Variants in CADM2 observed in about 807,000 individuals in gnomAD.
CADM2 encodes the protein cell adhesion molecule 2, also known as immunoglobulin superfamily member 4D.
Under a neutral mutation model 49.8 loss-of-function variants are expected in CADM2, and 12 were observed. That is an observed-to-expected ratio of 0.24 (90% CI 0.15 to 0.39). CADM2 has a LOEUF of 0.39. CADM2 is among the 10% of genes least tolerant of loss of function. CADM2 has a pLI of 1.00. For synonymous variants in CADM2, 214 were observed against 175.4 expected (o/e 1.22, Z -1.74); for missense variants, 378 against 492.3 (o/e 0.77, Z 2.20).
chr3:85,055,685 A>G (rs2036053396), intron 1 of CADM2, among the ~76,000 whole-genome samples: 1 of 152,024 alleles, frequency 6.6e-6, no homozygotes, highest in African/African-American at 2.4e-5. Flanking sequence ...ACTTTTGTAG[A>G]TTTTTGAAAT....
At chr3:85,752,851 A>G (rs1320984292) in intron 2 of CADM2, among the ~76,000 whole-genome samples, 2 of 152,216 alleles carry the variant, frequency 1.3e-5, no homozygotes, top group Admixed American at 1.3e-4. Context: ...CTGAATATAA[A>G]TGACAATCCA....
At chr3:85,648,247 A>G (rs1179520153) in intron 1 of CADM2, among the ~76,000 whole-genome samples, 1 of 151,948 alleles carries the variant, frequency 6.6e-6, no homozygotes, top group African/African-American at 2.4e-5. Flanking sequence ...AAGGCAGTAC[A>G]CAGGTTATGC....
chr3:85,237,045 C>T (rs1008297679), intron 1 of CADM2, among the ~76,000 whole-genome samples: 1 of 151,956 alleles, frequency 6.6e-6, no homozygotes, highest in Non-Finnish European at 1.5e-5. Flanking sequence ...TAAATAAGGG[C>T]TTTTATGACC....
chr3:85,361,739 G>C (rs1299608363), intron 1 of CADM2, among the ~76,000 whole-genome samples: 1 of 152,058 alleles, frequency 6.6e-6, no homozygotes, highest in Non-Finnish European at 1.5e-5. Flanking sequence ...AGAAAATCGA[G>C]ACCAGTCCAC....
intron 7 of CADM2, among the ~76,000 whole-genome samples, chr3:85,955,947 T>A (rs1424071767): frequency 6.6e-6 from 1 of 151,702 alleles, no homozygotes; most frequent in East Asian, 1.9e-4. Context: ...GGAAGAAACT[T>A]CTGAAAAAAT....
intron 1 of CADM2, among the ~76,000 whole-genome samples, chr3:85,199,214 TG>T (rs1402683213): frequency 2.0e-5 from 3 of 151,970 alleles, no homozygotes; most frequent in Non-Finnish European, 4.4e-5. Flanking sequence ...GAGCAATTGG[TG>T]AGAATAGCTA....
At chr3:85,983,186 T>C (rs550861788) in intron 8 of CADM2, among the ~76,000 whole-genome samples, 51 of 151,838 alleles carry the variant, frequency 3.4e-4, no homozygotes, top group African/African-American at 1.2e-3. Flanking sequence ...CTACACTGGA[T>C]TGACAGTGTC....
rs2038584126 is a variant in CADM2, at chr3:85,114,783, C to T, written c.61+155115C>T. 2.0e-5 allele frequency among the ~76,000 whole-genome samples: 3 copies of T among 152,168 alleles called. No individual in the cohort carries two copies. The South Asian group carries it at 6.2e-4, about 32-fold the overall frequency. On this transcript the variant is annotated intron_variant, in intron 1 of 9. Transcript: ENST00000383699. ...ATATGTGAAATCAGGATAATAATTT[C>T]TGTGCCAGTTAATATATTGCCAGGC...
chr3:85,582,385 T>G (rs76455180), intron 1 of CADM2, among the ~76,000 whole-genome samples: 3,361 of 152,296 alleles, frequency 0.022, 163 homozygotes, highest in East Asian at 0.16. Context: ...GATAACTGAT[T>G]CATTGATCTG....
chr3:85,856,222 A>G (rs2075312227), intron 3 of CADM2, among the ~76,000 whole-genome samples: 1 of 152,204 alleles, frequency 6.6e-6, no homozygotes, highest in Non-Finnish European at 1.5e-5. Context: ...TCTACTATAT[A>G]GCTTATTAGT....
At chr3:85,100,401 T>A (rs992550878) in intron 1 of CADM2, among the ~76,000 whole-genome samples, 1 of 152,220 alleles carries the variant, frequency 6.6e-6, no homozygotes, top group Non-Finnish European at 1.5e-5. Context: ...CTTCATGTCT[T>A]GTTGCTAAAT....
chr3:85,605,926 A>G (rs760954615), intron 1 of CADM2, among the ~76,000 whole-genome samples: 5 of 152,084 alleles, frequency 3.3e-5, no homozygotes, highest in Non-Finnish European at 7.4e-5. Context: ...GTATGAGTCT[A>G]ATTGTGAATG....
intron 3 of CADM2, among the ~76,000 whole-genome samples, chr3:85,832,020 AG>A (rs1358373899): frequency 9.9e-5 from 15 of 152,068 alleles, no homozygotes; most frequent in Non-Finnish European, 1.8e-4. Flanking sequence ...GGTGAAAGGT[AG>A]GGGTTCAGTT....
At chr3:85,644,122 G>A (rs906092582) in intron 1 of CADM2, among the ~76,000 whole-genome samples, 6 of 152,130 alleles carry the variant, frequency 3.9e-5, no homozygotes, top group Non-Finnish European at 7.4e-5. Flanking sequence ...GAGTTCTAGA[G>A]TCTGGAATTT....
chr3:85,560,764 G>A (rs773430845), intron 1 of CADM2, among the ~76,000 whole-genome samples: 1 of 152,174 alleles, frequency 6.6e-6, no homozygotes, highest in East Asian at 1.9e-4. Flanking sequence ...ACAATTGTAA[G>A]TAAATAGGGT....
At position 85,013,073 on chromosome 3, in the gene CADM2, T is replaced by C. The variant is rs1302955956; in HGVS notation, c.61+53405T>C. Among the ~76,000 whole-genome samples the C allele has an allele frequency of 2.6e-5, 4 of 151,622 alleles. No individual in the cohort carries two copies. The East Asian group carries it at 7.7e-4, about 29-fold the overall frequency. On this transcript the variant is annotated intron_variant, in intron 1 of 9. Transcript: ENST00000383699. ...AATGTTAACTTACACATAACACTTA[T>C]TAATAAATGACATTTTTTCATTTGA...
chr3:84,975,808 T>A (rs1278087854), intron 1 of CADM2, among the ~76,000 whole-genome samples: 1 of 151,866 alleles, frequency 6.6e-6, no homozygotes, highest in Non-Finnish European at 1.5e-5. Flanking sequence ...TGTAGAGAGA[T>A]AATCTCTGAG....
intron 1 of CADM2, among the ~76,000 whole-genome samples, chr3:85,622,142 A>T (rs1044885390): frequency 1.3e-5 from 2 of 152,182 alleles, no homozygotes; most frequent in Non-Finnish European, 2.9e-5. Flanking sequence ...TTACAAATAC[A>T]TTGTACAGAT....
intron 1 of CADM2, among the ~76,000 whole-genome samples, chr3:85,022,916 G>T (rs1057289613): frequency 6.6e-6 from 1 of 151,768 alleles, no homozygotes; most frequent in Non-Finnish European, 1.5e-5. Context: ...ATAACATATG[G>T]TAACTATATA....
Sources: allele counts gnomAD v4.1 joint callset (sites outside exome capture counted in the v4.1 genomes callset), GRCh38; gene constraint gnomAD v4.1.1; transcripts MANE v1.5; gene names NCBI Gene and HGNC (gene_info 2026-07-23, HGNC 2026-07-21).